The following XYLT1 variants were observed in gnomAD, a reference collection of about 807,000 sequenced individuals.
XYLT1 encodes the protein beta-D-xylosyltransferase 1.
In XYLT1, 36 loss-of-function variants were observed where a neutral mutation model predicts 91.3. The observed-to-expected ratio is 0.39, with a 90% confidence interval of 0.30 to 0.52. XYLT1 has a LOEUF of 0.52. Among genes scored for constraint, XYLT1 ranks in the 20% least tolerant of loss-of-function variants. The pLI is 0.68. For missense variants in XYLT1, 1,242 were observed against 1,284.5 expected, an observed-to-expected ratio of 0.97 and a Z score of 0.51; for synonymous variants, 588 against 532.0, an observed-to-expected ratio of 1.11 and a Z score of -1.45.
intron 2 of XYLT1, among the ~76,000 whole-genome samples, chr16:17,277,871 G>C (rs1425928201): frequency 1.3e-5 from 2 of 152,142 alleles, no homozygotes; most frequent in Non-Finnish European, 2.9e-5. Context: ...ACTGTTCCCA[G>C]ATGTGGGAAC....
intron 1 of XYLT1, among the ~76,000 whole-genome samples, chr16:17,435,369 T>C: frequency 6.6e-6 from 1 of 152,156 alleles, no homozygotes; most frequent in East Asian, 1.9e-4. Context: ...TGGAACCTTC[T>C]TTTACCAAGG....
At chr16:17,157,921 GTA>G (rs1298784977) in intron 6 of XYLT1, among the ~76,000 whole-genome samples, 1 of 152,150 alleles carries the variant, frequency 6.6e-6, no homozygotes, top group East Asian at 1.9e-4. Context: ...GCTAATTTTT[GTA>G]TTTTTAGTAG....
chr16:17,259,181 C>T lies in XYLT1; in HGVS notation c.720G>A (p.Arg240=), dbSNP rs1375693719. The change falls in exon 3 of 12, where the codon AGG becomes AGA. Residue 240 remains arginine (R), a synonymous_variant. Coordinates refer to ENST00000261381, the MANE Select transcript of XYLT1 (RefSeq NM_022166.4). The part of the protein sequence containing the change: ...GKDVSRPPHA[R]KTGGSSPETK... Reference sequence around the variant, plus strand: ...TCTCGGGGGAGCTGCCCCCAGTTTTCCTGGCATGAGGCGGTCTGGACACAT... The same window carrying T: ...TCTCGGGGGAGCTGCCCCCAGTTTTTCTGGCATGAGGCGGTCTGGACACAT... The T allele has an allele frequency of 1.3e-6, 2 of 1,599,644 alleles. No homozygotes were observed. Among genetic ancestry groups the T allele is most frequent in the Non-Finnish European group, 1.7e-6 (2 of 1,173,052 alleles).
At chr16:17,330,795 G>GAAA (rs558088198) in intron 2 of XYLT1, among the ~76,000 whole-genome samples, 1 of 142,236 alleles carries the variant, frequency 7.0e-6, no homozygotes, top group Non-Finnish European at 1.5e-5. Context: ...CTCCCTCTCG[G>GAAA]AAAAAAAAAA....
chr16:17,109,390 A>G (rs1198790474), intron 11 of XYLT1, among the ~76,000 whole-genome samples: 10 of 152,196 alleles, frequency 6.6e-5, no homozygotes, highest in Non-Finnish European at 1.5e-4. Context: ...CTCATTTGAT[A>G]AAGACATATT....
chr16:17,286,912 A>G (rs1041937247), intron 2 of XYLT1, among the ~76,000 whole-genome samples: 3 of 152,136 alleles, frequency 2.0e-5, no homozygotes, highest in Admixed American at 6.5e-5. Context: ...CAAACCCTGA[A>G]TTCTGTTCAG....
At chr16:17,164,038 CAAAAAAAAAAAAAAAAAAAAAAAA>C (rs57343034) in intron 5 of XYLT1, among the ~76,000 whole-genome samples, 2 of 44,424 alleles carry the variant, frequency 4.5e-5, no homozygotes, top group Non-Finnish European at 8.0e-5. Flanking sequence ...AACTCTGTCT[CAAAAAAAAAAAAAAAAAAAAAAAA>C]AAAAAAAGAA....
intron 1 of XYLT1, among the ~76,000 whole-genome samples, chr16:17,464,236 C>G (rs1015562099): frequency 2.0e-5 from 3 of 152,118 alleles, no homozygotes; most frequent in African/African-American, 7.2e-5. Context: ...CATCTATAAT[C>G]CCAGCACTTT....
rs1057284292 is a variant in XYLT1, at chr16:17,441,355, T to C, written c.363+29079A>G. ...GGTGTTACTGAAAAAAACACAAAAC[T>C]GAATTAGTTGTTAATATTTATTAAA... is the stretch of plus-strand genomic sequence containing the variant. On this transcript the variant is annotated intron_variant, in intron 1 of 11. Coordinates refer to ENST00000261381, the MANE Select transcript of XYLT1 (RefSeq NM_022166.4). 3.7e-4 allele frequency among the ~76,000 whole-genome samples: 56 copies of C among 152,274 alleles called. 1 individual carries two copies. The highest frequency in any genetic ancestry group is 1.3e-3 in the African/African-American group (54 of 41,566).
chr16:17,423,499 T>C (rs1409203313), intron 1 of XYLT1, among the ~76,000 whole-genome samples: 1 of 152,224 alleles, frequency 6.6e-6, no homozygotes, highest in Non-Finnish European at 1.5e-5. Flanking sequence ...CCTGTCATCC[T>C]TGGGACTGTG....
At chr16:17,285,600 G>A (rs373218684) in intron 2 of XYLT1, among the ~76,000 whole-genome samples, 1 of 152,174 alleles carries the variant, frequency 6.6e-6, no homozygotes, top group Admixed American at 6.5e-5. Flanking sequence ...TCATGCCCGG[G>A]GGCCCTGCTT....
intron 2 of XYLT1, among the ~76,000 whole-genome samples, chr16:17,340,844 C>T (rs1321693656): frequency 6.6e-6 from 1 of 152,200 alleles, no homozygotes; most frequent in Admixed American, 6.5e-5. Flanking sequence ...AGGAGGCAGA[C>T]AATCAGAACA....
chr16:17,220,020 C>A (rs2032938889), intron 3 of XYLT1, among the ~76,000 whole-genome samples: 1 of 152,106 alleles, frequency 6.6e-6, no homozygotes, highest in African/African-American at 2.4e-5. Context: ...GGCCCCTAGA[C>A]CAGAGAACTG....
chr16:17,464,122 G>C, intron 1 of XYLT1, among the ~76,000 whole-genome samples: 1 of 150,978 alleles, frequency 6.6e-6, no homozygotes, highest in South Asian at 2.1e-4. Flanking sequence ...CAGTTAGATA[G>C]AAGGAATAAG....
intron 2 of XYLT1, among the ~76,000 whole-genome samples, chr16:17,352,574 C>G (rs139658725): frequency 4.6e-5 from 7 of 152,244 alleles, no homozygotes; most frequent in East Asian, 3.9e-4. Flanking sequence ...GTCATTGGGT[C>G]TTTTTGCAAG....
intron 2 of XYLT1, among the ~76,000 whole-genome samples, chr16:17,304,192 CAG>C (rs2034439606): frequency 1.3e-5 from 2 of 152,060 alleles, no homozygotes; most frequent in Non-Finnish European, 2.9e-5. Flanking sequence ...ATCAGAGGAA[CAG>C]AGGAGAGCAG....
chr16:17,215,986 A>C (rs1035750036), intron 3 of XYLT1, among the ~76,000 whole-genome samples: 1 of 152,196 alleles, frequency 6.6e-6, no homozygotes, highest in African/African-American at 2.4e-5. Context: ...TGAAATTCCC[A>C]GATGGGGTGG....
At chr16:17,194,508 A>C (rs966903663) in intron 5 of XYLT1, among the ~76,000 whole-genome samples, 20 of 152,176 alleles carry the variant, frequency 1.3e-4, no homozygotes, top group Non-Finnish European at 1.3e-4. Flanking sequence ...GAATGTGGGA[A>C]CTTTGAGCAC....
At chr16:17,352,949 T>A (rs1363564171) in intron 2 of XYLT1, among the ~76,000 whole-genome samples, 1 of 152,226 alleles carries the variant, frequency 6.6e-6, no homozygotes, top group African/African-American at 2.4e-5. Flanking sequence ...TCCCTTTACA[T>A]AGATACAATT....
Sources: gnomAD v4.1 joint callset for allele counts (sites outside exome capture counted in the v4.1 genomes callset) on GRCh38, gnomAD v4.1.1 for gene constraint, MANE v1.5 for transcripts, NCBI Gene and HGNC (gene_info 2026-07-23, HGNC 2026-07-21) for gene names.